Variants in NRXN1 observed in about 807,000 individuals in gnomAD.
NRXN1 encodes neurexin-1.
NRXN1 carries 39 observed loss-of-function variants against 150.9 expected under a neutral mutation model. The observed-to-expected ratio is 0.26, with a 90% CI of 0.20 to 0.34. The LOEUF is 0.34. Among genes scored for constraint, NRXN1 ranks in the 10% least tolerant of loss-of-function variants. The pLI, the probability that NRXN1 is intolerant of heterozygous loss-of-function variation, is 1.00. For missense variants in NRXN1, 1,815 were observed against 1,949.9 expected, an observed-to-expected ratio of 0.93 and a Z score of 1.30; for synonymous variants, 924 against 757.0, an observed-to-expected ratio of 1.22 and a Z score of -3.62.
chr2:50,900,296 A>G (rs1052396000), intron 5 of NRXN1, among the ~76,000 whole-genome samples: 1 of 152,084 alleles, frequency 6.6e-6, no homozygotes, highest in African/African-American at 2.4e-5. Context: ...ACCTCACCAT[A>G]TCCTATATCA....
intron 5 of NRXN1, among the ~76,000 whole-genome samples, chr2:50,705,324 C>A (rs1461165427): frequency 6.6e-6 from 1 of 152,052 alleles, no homozygotes; most frequent in Non-Finnish European, 1.5e-5. Context: ...GGGTACGATT[C>A]TATTGCTTTC....
intron 17 of NRXN1, among the ~76,000 whole-genome samples, chr2:50,344,956 C>G (rs780441500): frequency 1.3e-5 from 2 of 152,216 alleles, no homozygotes; most frequent in South Asian, 4.1e-4. Flanking sequence ...CTCCGTCCCT[C>G]AGGACTCACA....
At chr2:50,604,755 C>A (rs2194383) in intron 8 of NRXN1, among the ~76,000 whole-genome samples, 151,452 of 152,288 alleles carry the variant, frequency 0.99, 75,313 homozygotes, top group Middle Eastern at 1. Context: ...ATAAATCTCT[C>A]TTATAGAACC....
intron 18 of NRXN1, among the ~76,000 whole-genome samples, chr2:50,219,365 A>G (rs2063635205): frequency 6.6e-6 from 1 of 151,818 alleles, no homozygotes; most frequent in South Asian, 2.1e-4. Context: ...TGGGGAAAAA[A>G]AAAAAAAGAG....
intron 8 of NRXN1, among the ~76,000 whole-genome samples, chr2:50,607,665 A>G (rs1371091225): frequency 6.6e-6 from 1 of 152,144 alleles, no homozygotes; most frequent in African/African-American, 2.4e-5. Flanking sequence ...TAATTAACCA[A>G]AGTAAACCTG....
chr2:50,491,430 G>A (rs780768002), intron 15 of NRXN1, among the ~76,000 whole-genome samples: 8 of 152,160 alleles, frequency 5.3e-5, no homozygotes, highest in East Asian at 1.9e-4. Context: ...TCTGATTAGG[G>A]ACATTTAAGT....
At chr2:50,630,539 T>C (rs994421142) in intron 5 of NRXN1, among the ~76,000 whole-genome samples, 5 of 151,622 alleles carry the variant, frequency 3.3e-5, no homozygotes, top group Non-Finnish European at 5.9e-5. Flanking sequence ...CCGTACATCT[T>C]AAAGACAAGG....
intron 17 of NRXN1, among the ~76,000 whole-genome samples, chr2:50,309,336 A>T (rs1451478449): frequency 2.6e-5 from 4 of 152,220 alleles, no homozygotes; most frequent in Admixed American, 2.6e-4. Context: ...TTGATGAAAA[A>T]TCAGGAGTTC....
At chr2:50,546,606 A>G (rs2093499480) in intron 9 of NRXN1, among the ~76,000 whole-genome samples, 1 of 152,220 alleles carries the variant, frequency 6.6e-6, no homozygotes, top group South Asian at 2.1e-4. Context: ...AGGAAAATGT[A>G]CAAATATAAA....
rs2084625663 is a variant in NRXN1, at chr2:50,427,822, A to G, written c.3364+37620T>C. Among the ~76,000 whole-genome samples, 5 of 152,290 alleles carry G rather than the reference A, an allele frequency of 3.3e-5. No homozygotes were observed. The South Asian group carries it at 1.0e-3, about 32-fold the overall frequency. On this transcript the variant is annotated intron_variant, in intron 17 of 22. Coordinates refer to ENST00000401669, the MANE Select transcript of NRXN1 (RefSeq NM_001330078.2). ...TTTTTAAAAATTTCATGTCTTATCC[A>G]TTCCCATTTTCTTTATATTTTGTCT...
At chr2:49,941,291 C>A (rs545023135) in intron 22 of NRXN1, among the ~76,000 whole-genome samples, 6 of 151,322 alleles carry the variant, frequency 4.0e-5, no homozygotes, top group Admixed American at 3.9e-4. Context: ...ACTCACTTTT[C>A]ATTGTGCTAT....
chr2:50,367,420 G>A (rs1418621297), intron 17 of NRXN1, among the ~76,000 whole-genome samples: 1 of 151,972 alleles, frequency 6.6e-6, no homozygotes, highest in Non-Finnish European at 1.5e-5. Flanking sequence ...AGTGCAGCCT[G>A]CCATACATTC....
chr2:50,724,637 T>C (rs1199628916), intron 5 of NRXN1, among the ~76,000 whole-genome samples: 2 of 152,154 alleles, frequency 1.3e-5, no homozygotes, highest in African/African-American at 2.4e-5. Flanking sequence ...CATTTTTAAC[T>C]TGGCTGGGAG....
At chr2:50,096,317 T>C (rs969588869) in intron 18 of NRXN1, among the ~76,000 whole-genome samples, 2 of 152,294 alleles carry the variant, frequency 1.3e-5, no homozygotes, top group Admixed American at 1.3e-4. Flanking sequence ...GACCGGTATT[T>C]ACTATTTAAT....
chr2:50,778,633 G>T (rs1012429395), intron 5 of NRXN1, among the ~76,000 whole-genome samples: 1 of 152,004 alleles, frequency 6.6e-6, no homozygotes, highest in Non-Finnish European at 1.5e-5. Context: ...ATGATTCCTG[G>T]GATCCTGGTA....
intron 5 of NRXN1, among the ~76,000 whole-genome samples, chr2:50,748,481 C>T (rs780540103): frequency 4.6e-5 from 7 of 152,118 alleles, no homozygotes; most frequent in African/African-American, 7.2e-5. Context: ...CATTAGCGTA[C>T]AGCCTTTCAT....
chr2:50,432,154 C>T (rs913786013), intron 17 of NRXN1: 2 of 152,186 alleles, frequency 1.3e-5, no homozygotes, highest in Non-Finnish European at 2.9e-5. Context: ...ATTTTCTAAT[C>T]CCTGGAGCTC....
At chr2:50,749,327 T>C (rs1700336192) in intron 5 of NRXN1, among the ~76,000 whole-genome samples, 1 of 152,064 alleles carries the variant, frequency 6.6e-6, no homozygotes, top group African/African-American at 2.4e-5. Flanking sequence ...CTAGTTGGTT[T>C]CTGAGGCCCT....
chr2:50,572,823 C>G (rs1421076568), intron 8 of NRXN1, among the ~76,000 whole-genome samples: 1 of 152,116 alleles, frequency 6.6e-6, no homozygotes, highest in African/African-American at 2.4e-5. Flanking sequence ...TCTTAGTGGT[C>G]AAAACCTACT....
Sources: gnomAD v4.1 joint callset for allele counts (sites outside exome capture counted in the v4.1 genomes callset) on GRCh38, gnomAD v4.1.1 for gene constraint, MANE v1.5 for transcripts, NCBI Gene and HGNC (gene_info 2026-07-23, HGNC 2026-07-21) for gene names.